The following IMMP2L variants were observed in gnomAD, a reference collection of about 807,000 sequenced individuals.
The protein encoded by IMMP2L is mitochondrial inner membrane protease subunit 2.
IMMP2L carries 18 observed loss-of-function variants against 19.3 expected under a neutral mutation model. That is an observed-to-expected ratio of 0.93 (90% CI 0.64 to 1.38). IMMP2L has a LOEUF of 1.38. Ranked by LOEUF, IMMP2L falls within the 40% of genes most tolerant of loss-of-function variation. The pLI is 0.00. For missense variants in IMMP2L, 233 were observed against 218.2 expected, an observed-to-expected ratio of 1.07 and a Z score of -0.43; for synonymous variants, 76 against 73.0, an observed-to-expected ratio of 1.04 and a Z score of -0.21.
intron 5 of IMMP2L, among the ~76,000 whole-genome samples, chr7:110,883,083 A>AT (rs1185276614): frequency 3.3e-5 from 5 of 151,946 alleles, no homozygotes; most frequent in Admixed American, 2.0e-4. Flanking sequence ...AAAAGTGAAC[A>AT]TTTTTTTGCG....
chr7:110,866,843 T>G (rs1396073938), intron 5 of IMMP2L, among the ~76,000 whole-genome samples: 1 of 152,030 alleles, frequency 6.6e-6, no homozygotes, highest in Non-Finnish European at 1.5e-5. Flanking sequence ...CAGTTCTGCT[T>G]CAGTACTGCC....
chr7:110,911,067 C>CATAT (rs947500668), intron 4 of IMMP2L, among the ~76,000 whole-genome samples: 8 of 152,046 alleles, frequency 5.3e-5, no homozygotes, highest in African/African-American at 1.9e-4. Context: ...TATATAATCA[C>CATAT]ATATATGTAT....
At chr7:110,739,218 A>T (rs1012845589) in intron 5 of IMMP2L, among the ~76,000 whole-genome samples, 9 of 152,198 alleles carry the variant, frequency 5.9e-5, no homozygotes, top group African/African-American at 2.2e-4. Flanking sequence ...ACATCTCAAT[A>T]CTAACATTTA....
intron 1 of IMMP2L, among the ~76,000 whole-genome samples, chr7:111,527,113 T>C (rs531029461): frequency 6.6e-6 from 1 of 152,094 alleles, no homozygotes; most frequent in African/African-American, 2.4e-5. Flanking sequence ...CTATAACCAG[T>C]TCCATGACTT....
intron 3 of IMMP2L, among the ~76,000 whole-genome samples, chr7:111,363,311 T>C (rs979635901): frequency 1.3e-5 from 2 of 152,072 alleles, no homozygotes; most frequent in African/African-American, 4.8e-5. Context: ...ATTCCAAACA[T>C]ACTGAATCAG....
intron 3 of IMMP2L, among the ~76,000 whole-genome samples, chr7:111,308,474 T>C (rs1202152262): frequency 2.0e-5 from 3 of 151,936 alleles, no homozygotes; most frequent in Non-Finnish European, 4.4e-5. Context: ...GCCATCTTAA[T>C]GTAATATGCT....
At chr7:111,211,058 T>C (rs986200660) in intron 3 of IMMP2L, among the ~76,000 whole-genome samples, 7 of 152,190 alleles carry the variant, frequency 4.6e-5, no homozygotes, top group African/African-American at 1.7e-4. Flanking sequence ...TTAATAAATA[T>C]GTATTGAGTC....
At chr7:111,496,897 C>CATAGATAGATAGATAGATAGATAG (rs367671688) in intron 2 of IMMP2L, among the ~76,000 whole-genome samples, 12 of 151,562 alleles carry the variant, frequency 7.9e-5, no homozygotes, top group African/African-American at 2.7e-4. Context: ...TAGATAGATA[C>CATAGATAGATAGATAGATAGATAG]ATAGATAGAT....
At chr7:111,370,512 C>T (rs182730704) in intron 3 of IMMP2L, among the ~76,000 whole-genome samples, 109 of 152,098 alleles carry the variant, frequency 7.2e-4, no homozygotes, top group South Asian at 5.0e-3. Context: ...CTTTATTGCA[C>T]CCTTGTTCAA....
At chr7:110,807,277 C>T (rs73716439) in intron 5 of IMMP2L, among the ~76,000 whole-genome samples, 6,024 of 152,014 alleles carry the variant, frequency 0.04, 370 homozygotes, top group African/African-American at 0.13. Context: ...TAGCTCCTTT[C>T]GGTCAAATAC....
At chr7:111,063,106 C>G (rs1159909659) in intron 3 of IMMP2L, among the ~76,000 whole-genome samples, 1 of 152,236 alleles carries the variant, frequency 6.6e-6, no homozygotes, top group Non-Finnish European at 1.5e-5. Flanking sequence ...GAGAGCTCCA[C>G]CCCTACAGCA....
At chr7:111,502,435 T>C (rs1182148438) in intron 2 of IMMP2L, among the ~76,000 whole-genome samples, 6 of 151,934 alleles carry the variant, frequency 3.9e-5, no homozygotes, top group Admixed American at 2.0e-4. Context: ...AACAAGGATA[T>C]CCAGGAATTG....
In IMMP2L at chr7:110,758,832, A is replaced by G. The variant is rs1018822296; in HGVS notation, c.409-95111T>C. ...AGTGCCTGGAAAATTAATGAGTTAT[A>G]TAAGTAAACCTCCCCAGGTGCCAAA... On this transcript the variant is annotated intron_variant, in intron 5 of 5. Coordinates refer to ENST00000405709, the MANE Select transcript of IMMP2L (RefSeq NM_032549.4). The surrounding 1 kb of genome is among the most constrained non-coding windows in gnomAD (Gnocchi z 4.6). Among the ~76,000 whole-genome samples, 6 of 152,058 alleles carry G rather than the reference A, an allele frequency of 3.9e-5. No homozygotes were observed. The highest frequency in any genetic ancestry group is 3.9e-4 in the Admixed American group (6 of 15,226).
chr7:110,894,313 C>A (rs1811108014), intron 4 of IMMP2L, among the ~76,000 whole-genome samples: 1 of 152,140 alleles, frequency 6.6e-6, no homozygotes, highest in Admixed American at 6.5e-5. Flanking sequence ...GGGATGGGAC[C>A]TGTGTTTGGT....
intron 3 of IMMP2L, among the ~76,000 whole-genome samples, chr7:111,120,937 CA>C (rs545042207): frequency 1.0e-3 from 134 of 131,726 alleles, no homozygotes; most frequent in Admixed American, 1.1e-3. Flanking sequence ...CTCTAACAGG[CA>C]AAAAAAAAAA....
At chr7:111,108,777 T>C (rs142098165) in intron 3 of IMMP2L, among the ~76,000 whole-genome samples, 25 of 152,282 alleles carry the variant, frequency 1.6e-4, no homozygotes, top group African/African-American at 6.0e-4. Flanking sequence ...CAATTCAGCA[T>C]TCACCAACAA....
rs150543213 is a variant in IMMP2L, at chr7:110,737,508, C to G, written c.409-73787G>C. Among the ~76,000 whole-genome samples the G allele has an allele frequency of 6.6e-3, 999 of 152,262 alleles. 7 individuals are homozygous for G. The highest frequency in any genetic ancestry group is 9.6e-3 in the Non-Finnish European group (656 of 68,010). ...CCATACCCCCATCTGCCACAGCAGT[C>G]GCAGCAAGCCCACCCCAAGAAGAGG... On this transcript the variant is annotated intron_variant, in intron 5 of 5. Coordinates refer to ENST00000405709, the MANE Select transcript of IMMP2L (RefSeq NM_032549.4).
At chr7:111,271,150 G>GT (rs1192144664) in intron 3 of IMMP2L, among the ~76,000 whole-genome samples, 2 of 151,974 alleles carry the variant, frequency 1.3e-5, no homozygotes, top group Non-Finnish European at 2.9e-5. Context: ...TTTATAAGGG[G>GT]TTTTTCCCCC....
At chr7:110,737,762 C>T (rs77298098) in intron 5 of IMMP2L, among the ~76,000 whole-genome samples, 21,305 of 152,220 alleles carry the variant, frequency 0.14, 1,672 homozygotes, top group South Asian at 0.29. Context: ...CAAAAACCAG[C>T]GCACTAAACA....
Sources: allele counts gnomAD v4.1 joint callset (sites outside exome capture counted in the v4.1 genomes callset), GRCh38; gene constraint gnomAD v4.1.1; non-coding constraint Gnocchi (gnomAD v3.1); transcripts MANE v1.5; gene names NCBI Gene and HGNC (gene_info 2026-07-23, HGNC 2026-07-21).